The following ZNF709 variants were observed in gnomAD, a reference collection of about 807,000 sequenced individuals.
ZNF709 encodes zinc finger protein 709.
Under a neutral mutation model 10.6 loss-of-function variants are expected in ZNF709, and 15 were observed. That is an observed-to-expected ratio of 1.41 (90% confidence interval 0.95 to 2.18). The LOEUF is 2.18. Among genes scored for constraint, ZNF709 ranks in the 30% most tolerant of loss-of-function variants. The probability of loss-of-function intolerance (pLI) is 0.00; values close to 1 mark genes in which losing one functional copy is unlikely to be tolerated. For missense variants in ZNF709, 589 were observed against 774.0 expected (o/e 0.76, Z 2.84); for synonymous variants, 194 against 238.8 (o/e 0.81, Z 1.73).
intron 3 of ZNF709, 35 bp downstream of exon 3, chr19:12,466,427 A>G (rs780740059): frequency 3.8e-6 from 6 of 1,586,382 alleles, no homozygotes; most frequent in Middle Eastern, 1.7e-4. Context: ...AGATTCTCTC[A>G]TAAGACAGTA....
In ZNF709 at chr19:12,466,841, C is replaced by A; in HGVS notation, c.13G>T (p.Val5Phe). ...AAGTTCACAGCCACATCCTCAAAGACCACTGAGTCCTGAAACATCCCACAT... is the reference window on the plus strand; with the variant it reads ...AAGTTCACAGCCACATCCTCAAAGAACACTGAGTCCTGAAACATCCCACAT... MDSV[V>F]FEDVAVNFTQ... Residue 5 changes from valine (V) to phenylalanine (F), a missense_variant, in exon 2 of 4, where the codon GTC becomes TTC. By Grantham distance (50) the Val-to-Phe change is conservative (BLOSUM62 -1). This residue lies in a region of ZNF709 where 418 missense variants were observed against 496.3 expected (regional missense o/e 0.84). Coordinates refer to ENST00000397732, the MANE Select transcript of ZNF709 (RefSeq NM_152601.4). 2 of 1,613,736 alleles carry A rather than the reference C, an allele frequency of 1.2e-6. No individual in the cohort carries two copies. The highest frequency in any genetic ancestry group is 1.7e-6 in the Non-Finnish European group (2 of 1,179,788).
At chr19:12,482,375 G>A (rs1321838238) in intron 1 of ZNF709, among the ~76,000 whole-genome samples, 1 of 152,028 alleles carries the variant, frequency 6.6e-6, no homozygotes, top group Non-Finnish European at 1.5e-5. Flanking sequence ...CAGAGGGCAG[G>A]GGCACCTGAG....
rs76300542 is a variant in ZNF709, at chr19:12,477,962, T to C, written c.3+6693A>G. Among the ~76,000 whole-genome samples the C allele has an allele frequency of 1.4e-4, 21 of 152,306 alleles. No individual in the cohort carries two copies. The East Asian group carries it at 3.9e-3, about 28-fold the overall frequency. ...TGTCCCTCATGGTTGCTTTATAAAG[T>C]TTAAGCACCTGGGCCTTAAGCTGGC... On this transcript the variant is annotated intron_variant, in intron 1 of 3. Transcript: ENST00000397732.
chr19:12,478,578 G>A (rs1320635816), intron 1 of ZNF709, among the ~76,000 whole-genome samples: 1 of 152,200 alleles, frequency 6.6e-6, no homozygotes, highest in Non-Finnish European at 1.5e-5. Context: ...AACAATTCCT[G>A]TGTCGTTCCA....
Position 12,466,194 on chromosome 19 carries a change from G to A in ZNF709, c.188+268C>T, listed in dbSNP as rs10406102. The stretch of plus-strand genomic sequence containing the variant: ...CACCTCAGGTGATCTGCCCACCTTG[G>A]CCTCCCAAAGTGCTAGGATTACAGG... On this transcript the variant is annotated intron_variant, in intron 3 of 3. Transcript: ENST00000397732. 0.4 allele frequency among the ~76,000 whole-genome samples: 61,533 copies of A among 151,950 alleles called. 14,093 individuals are homozygous for A. Among genetic ancestry groups the A allele is most frequent in the Non-Finnish European group, 0.51 (34,895 of 67,928 alleles).
At chr19:12,471,997 C>T (rs1970637877) in intron 1 of ZNF709, among the ~76,000 whole-genome samples, 1 of 151,858 alleles carries the variant, frequency 6.6e-6, no homozygotes. Flanking sequence ...ATGTGACATA[C>T]ATGCAATATA....
At position 12,464,947 on chromosome 19, in the gene ZNF709, T is replaced by C; in HGVS notation, c.975A>G (p.Lys325=). 6.2e-7 allele frequency: 1 copy of C among 1,604,292 alleles called. No homozygotes were observed. The highest frequency in any genetic ancestry group is 1.1e-5 in the South Asian group (1 of 89,314). ...KAFSFPSSFR[K]HERIHTGEKP... ...TCTCTCCTGTATGAATTCTTTCATG[T>C]TTTCTAAAGGAACTAGGAAAACTGA... is the stretch of plus-strand genomic sequence containing the variant. Residue 325 remains lysine, a synonymous_variant, in exon 4 of 4, where the codon AAA becomes AAG. Transcript: ENST00000397732.
rs1428086401 is a variant in ZNF709, at chr19:12,465,610, A to G, written c.312T>C (p.Cys104=). 1 of 1,613,758 alleles carries G rather than the reference A, an allele frequency of 6.2e-7. No homozygotes were observed. The highest frequency in any genetic ancestry group is 1.3e-5 in the African/African-American group (1 of 74,932). ...ACATATAGTCCTTTCCACACACACT[A>G]CATTCATATGGTTTTACTCTAGTAA... is the stretch of plus-strand genomic sequence containing the variant. ...KTFTRVKPYE[C]SVCGKDYMCH... The change falls in exon 4 of 4, where the codon TGT becomes TGC. Residue 104 remains cysteine (C), a synonymous_variant. Coordinates refer to ENST00000397732, the MANE Select transcript of ZNF709 (RefSeq NM_152601.4).
intron 1 of ZNF709, among the ~76,000 whole-genome samples, chr19:12,480,678 G>A (rs1411273754): frequency 2.5e-5 from 3 of 121,416 alleles, no homozygotes; most frequent in South Asian, 2.4e-4. Flanking sequence ...GCAAGACTCC[G>A]TCTCAAAAAA....
chr19:12,467,563 C>T (rs1479239845), intron 1 of ZNF709, among the ~76,000 whole-genome samples: 1 of 152,222 alleles, frequency 6.6e-6, no homozygotes, highest in African/African-American at 2.4e-5. Flanking sequence ...CGGCTGCCAC[C>T]CCGTCTGGGA....
chr19:12,476,617 G>A (rs1970680192), intron 1 of ZNF709, among the ~76,000 whole-genome samples: 1 of 152,052 alleles, frequency 6.6e-6, no homozygotes, highest in South Asian at 2.1e-4. Flanking sequence ...ACTTAAGGTG[G>A]GCCAATTTGC....
In ZNF709 at chr19:12,465,089, T is replaced by C; in HGVS notation, c.833A>G (p.Lys278Arg). Residue 278 changes from lysine to arginine, a missense_variant, in exon 4 of 4, where the codon AAA (lysine) becomes AGA (arginine). Around this residue, in one of 2 missense-constraint regions of ZNF709, gnomAD observed 418 missense variants for 496.3 expected, o/e 0.84. Coordinates refer to ENST00000397732, the MANE Select transcript of ZNF709 (RefSeq NM_152601.4). ...ACCACATTGCTTACACTGATAGGGTTTTTCCCCAGTGTGAGTCCTTTCATG... is the reference window on the plus strand; with the variant it reads ...ACCACATTGCTTACACTGATAGGGTCTTTCCCCAGTGTGAGTCCTTTCATG... The part of the protein sequence containing the change: ...QIHERTHTGE[K>R]PYQCKQCGKA... 6.2e-7 allele frequency: 1 copy of C among 1,612,858 alleles called. No homozygotes were observed. The highest frequency in any genetic ancestry group is 8.5e-7 in the Non-Finnish European group (1 of 1,179,622).
In ZNF709 at chr19:12,465,272, A is replaced by G. The variant is rs745326480; in HGVS notation, c.650T>C (p.Met217Thr). ...YHTTFRGHMR[M>T]HTGEKPYKCK... ...TTTATAGGGTTTCTCCCCTGTGTGC[A>G]TTCTCATGTGTCCTCGAAAGGTTGT... Residue 217 changes from methionine (M) to threonine (T), a missense_variant, in exon 4 of 4, where the codon ATG becomes ACG. Physicochemically the swap from Met to Thr is moderately conservative, Grantham distance 81. Coordinates refer to ENST00000397732, the MANE Select transcript of ZNF709 (RefSeq NM_152601.4). 3 of 1,612,276 alleles carry G rather than the reference A, an allele frequency of 1.9e-6. No homozygotes were observed. In the Admixed American group the frequency reaches 5.0e-5, roughly 27 times the overall value.
Position 12,464,740 on chromosome 19 carries a change from A to G in ZNF709, c.1182T>C (p.Cys394=), listed in dbSNP as rs1369790258. 1.9e-6 allele frequency: 3 copies of G among 1,613,568 alleles called. No individual in the cohort carries two copies. Among genetic ancestry groups the G allele is most frequent in the East Asian group, 4.5e-5 (2 of 44,868 alleles). The change falls in exon 4 of 4, where the codon TGT becomes TGC. Residue 394 remains cysteine, a synonymous_variant. Transcript: ENST00000397732. ...AACTGAAGGCTTTACCACACTGTTT[A>G]CATTCATAGGGTTTCTCTCCAGTGT... is the stretch of plus-strand genomic sequence containing the variant. ...RTHTGEKPYE[C]KQCGKAFSCS... is the part of the protein sequence containing the mutation.
intron 1 of ZNF709, among the ~76,000 whole-genome samples, chr19:12,472,935 A>C (rs1404736930): frequency 6.6e-6 from 1 of 152,170 alleles, no homozygotes; most frequent in Admixed American, 6.5e-5. Flanking sequence ...CAGCCAAATG[A>C]AATACCAAAT....
rs765803971 is a variant in ZNF709, at chr19:12,465,035, C to T, written c.887G>A (p.Arg296Gln). 1.5e-5 allele frequency: 24 copies of T among 1,612,284 alleles called. No homozygotes were observed. Among genetic ancestry groups the T allele is most frequent in the East Asian group, 4.5e-5 (2 of 44,860 alleles). Reference protein sequence around the residue: ...GKALSCPTSFRSHERIHTGEK... With the variant: ...GKALSCPTSFQSHERIHTGEK... ...TCCAGTGTGAATCCTTTCATGACTT[C>T]GAAAGGATGTGGGACAACTAAGAGC... Residue 296 changes from arginine (R) to glutamine (Q), a missense_variant, in exon 4 of 4, where the codon CGA becomes CAA. Arg to Gln is a conservative substitution (Grantham distance 43). Coordinates refer to ENST00000397732, the MANE Select transcript of ZNF709 (RefSeq NM_152601.4).
chr19:12,468,553 C>G (rs935425146), intron 1 of ZNF709, among the ~76,000 whole-genome samples: 18 of 151,190 alleles, frequency 1.2e-4, no homozygotes, highest in Non-Finnish European at 2.1e-4. Context: ...GACACAAACA[C>G]TGCGGAAGGC....
At chr19:12,467,968 G>A (rs1367947610) in intron 1 of ZNF709, among the ~76,000 whole-genome samples, 5 of 150,552 alleles carry the variant, frequency 3.3e-5, no homozygotes, top group Non-Finnish European at 5.9e-5. Flanking sequence ...CGCCCCGTCC[G>A]GGAGGGAGGT....
At chr19:12,478,941 T>A (rs1364666934) in intron 1 of ZNF709, among the ~76,000 whole-genome samples, 4 of 152,076 alleles carry the variant, frequency 2.6e-5, no homozygotes, top group Middle Eastern at 3.2e-3. Flanking sequence ...AGAACCAACA[T>A]GAGTATGAAA....
Sources: allele counts gnomAD v4.1 joint callset (sites outside exome capture counted in the v4.1 genomes callset), GRCh38; gene constraint gnomAD v4.1.1; regional missense constraint gnomAD v4.1.1; transcripts MANE v1.5; gene names NCBI Gene and HGNC (gene_info 2026-07-23, HGNC 2026-07-21).